OSBPL1A: variants seen among roughly 807,000 people sequenced by gnomAD.
OSBPL1A encodes oxysterol binding protein like 1A, also known as oxysterol-binding protein-related protein 1.
Under a neutral mutation model 137.1 loss-of-function variants are expected in OSBPL1A, and 80 were observed. The ratio of observed to expected loss-of-function variants is 0.58; its 90% CI spans 0.49 to 0.70. The LOEUF is 0.70. OSBPL1A is among the 30% of genes least tolerant of loss of function. OSBPL1A has a pLI of 0.00. For synonymous variants in OSBPL1A, 365 were observed against 389.7 expected (o/e 0.94, Z 0.75); for missense variants, 970 against 1,129.4 (o/e 0.86, Z 2.02).
intron 4 of OSBPL1A, among the ~76,000 whole-genome samples, chr18:24,366,031 C>G (rs576955079): frequency 1.4e-4 from 21 of 152,320 alleles, no homozygotes; most frequent in African/African-American, 5.1e-4. Flanking sequence ...CCCTCAGACA[C>G]CAGCTGCAGG....
At chr18:24,198,327 C>T (rs562064513) in intron 17 of OSBPL1A, among the ~76,000 whole-genome samples, 1 of 152,272 alleles carries the variant, frequency 6.6e-6, no homozygotes, top group Non-Finnish European at 1.5e-5. Flanking sequence ...TTGTAATTAT[C>T]CTCAGTTTAG....
chr18:24,240,662 C>G (rs2088664324), intron 15 of OSBPL1A, among the ~76,000 whole-genome samples: 2 of 152,192 alleles, frequency 1.3e-5, no homozygotes, highest in Admixed American at 1.3e-4. Context: ...TCTGCTATCA[C>G]CTAATAATCT....
intron 17 of OSBPL1A, among the ~76,000 whole-genome samples, chr18:24,198,196 C>G (rs928189506): frequency 5.3e-5 from 8 of 152,142 alleles, no homozygotes; most frequent in Non-Finnish European, 8.8e-5. Context: ...GTCATTCACC[C>G]CCAACAAACG....
intron 4 of OSBPL1A, among the ~76,000 whole-genome samples, chr18:24,356,883 C>G (rs2091545345): frequency 6.6e-6 from 1 of 152,148 alleles, no homozygotes; most frequent in Admixed American, 6.5e-5. Context: ...AGAAACTCAA[C>G]CAAATAGTGA....
chr18:24,253,935 C>T (rs2089190396), intron 15 of OSBPL1A, among the ~76,000 whole-genome samples: 1 of 152,166 alleles, frequency 6.6e-6, no homozygotes, highest in Non-Finnish European at 1.5e-5. Context: ...CTTGCAAGGG[C>T]AGACTGGTCC....
chr18:24,216,499 T>A (rs2087707005), intron 17 of OSBPL1A, among the ~76,000 whole-genome samples: 1 of 152,164 alleles, frequency 6.6e-6, no homozygotes, highest in African/African-American at 2.4e-5. Flanking sequence ...AGAGCGAGAC[T>A]GTGTCTCCAG....
At chr18:24,294,293 G>A (rs866437369) in intron 14 of OSBPL1A, among the ~76,000 whole-genome samples, 4 of 151,698 alleles carry the variant, frequency 2.6e-5, no homozygotes, top group African/African-American at 4.8e-5. Context: ...GTGCAGTGGC[G>A]CGATCTCGGC....
In OSBPL1A at chr18:24,318,636, T is replaced by C. The variant is rs749890444; in HGVS notation, c.697A>G (p.Lys233Glu). Residue 233 changes from lysine (K) to glutamate (E), a missense_variant, in exon 9 of 28, where the codon AAA (lysine) becomes GAA (glutamate). By Grantham distance (56) the Lys-to-Glu change is moderately conservative. This residue lies in a region of OSBPL1A where 647 missense variants were observed against 672.6 expected (regional missense o/e 0.96). Transcript: ENST00000319481. ...HILVGNKVIYKALKRYEGPLW... is the reference protein window; with the variant it reads ...HILVGNKVIYEALKRYEGPLW... ...GGGCCCTCATATCGTTTCAATGCTTTGTAGATGACCTGTCAAAAACATGTT... is the reference window on the plus strand; with the variant it reads ...GGGCCCTCATATCGTTTCAATGCTTCGTAGATGACCTGTCAAAAACATGTT... 8 of 1,610,016 alleles carry C rather than the reference T, an allele frequency of 5.0e-6. No homozygotes were observed. Among genetic ancestry groups the C allele is most frequent in the Non-Finnish European group, 5.9e-6 (7 of 1,179,256 alleles).
intron 17 of OSBPL1A, among the ~76,000 whole-genome samples, chr18:24,212,403 A>C (rs2087571713): frequency 6.6e-6 from 1 of 152,158 alleles, no homozygotes; most frequent in Non-Finnish European, 1.5e-5. Context: ...TGGGCTTAAA[A>C]ATATTTGAAA....
Position 24,239,312 on chromosome 18 carries a change from G to C in OSBPL1A, c.1352C>G (p.Ala451Gly). 1 of 1,614,054 alleles carries C rather than the reference G, an allele frequency of 6.2e-7. No homozygotes were observed. Among genetic ancestry groups the C allele is most frequent in the Non-Finnish European group, 8.5e-7 (1 of 1,179,984 alleles). Residue 451 changes from alanine to glycine, a missense_variant, in exon 16 of 28, where the codon GCC becomes GGC. Physicochemically the swap from Ala to Gly is moderately conservative, Grantham distance 60 (BLOSUM62 0). Coordinates refer to ENST00000319481, the MANE Select transcript of OSBPL1A (RefSeq NM_080597.4). ...KILSEALETL[A>G]TEHHELEQSL... The stretch of plus-strand genomic sequence containing the variant: ...CTGCTCTAATTCATGATGTTCAGTG[G>C]CCAGCGTCTCCAGTGCTTCTGACAA...
chr18:24,376,410 T>G (rs1400021434), intron 2 of OSBPL1A, among the ~76,000 whole-genome samples: 1 of 152,208 alleles, frequency 6.6e-6, no homozygotes, highest in Non-Finnish European at 1.5e-5. Context: ...GGTGTGTTTA[T>G]AAACCTTGAG....
intron 16 of OSBPL1A, among the ~76,000 whole-genome samples, chr18:24,236,784 C>A (rs2088492242): frequency 6.6e-6 from 1 of 152,200 alleles, no homozygotes; most frequent in African/African-American, 2.4e-5. Context: ...ACAATCTGAA[C>A]TGGCACTTGA....
intron 4 of OSBPL1A, among the ~76,000 whole-genome samples, chr18:24,353,485 T>G (rs1334923960): frequency 3.3e-5 from 5 of 152,000 alleles, no homozygotes; most frequent in Non-Finnish European, 7.4e-5. Context: ...GTAAACTAGT[T>G]CAACCATTGT....
At chr18:24,214,499 C>A (rs12456025) in intron 17 of OSBPL1A, among the ~76,000 whole-genome samples, 66,689 of 151,912 alleles carry the variant, frequency 0.44, 14,923 homozygotes, top group Middle Eastern at 0.53. Flanking sequence ...TCTTGACTAT[C>A]ATAGAAATCT....
chr18:24,279,186 G>A lies in OSBPL1A; in HGVS notation c.1281+1656C>T, dbSNP rs2089904873. 3.3e-5 allele frequency among the ~76,000 whole-genome samples: 5 copies of A among 151,280 alleles called. No homozygotes were observed. The South Asian group carries it at 1.0e-3, about 32-fold the overall frequency. On this transcript the variant is annotated intron_variant, in intron 15 of 27. Coordinates refer to ENST00000319481, the MANE Select transcript of OSBPL1A (RefSeq NM_080597.4). ...TCCCAGCACTTTGGGAGGCCGAGTCGGGCAGATGGCTTGCATCTAGGAGTT... is the reference window on the plus strand; with the variant it reads ...TCCCAGCACTTTGGGAGGCCGAGTCAGGCAGATGGCTTGCATCTAGGAGTT...
intron 3 of OSBPL1A, chr18:24,367,826 T>G (rs1249071869): frequency 6.6e-6 from 1 of 152,204 alleles, no homozygotes; most frequent in Non-Finnish European, 1.5e-5. Flanking sequence ...GCAAGCAAAT[T>G]TCAGAACTAT....
intron 16 of OSBPL1A, among the ~76,000 whole-genome samples, chr18:24,234,727 T>A (rs1034493731): frequency 6.6e-6 from 1 of 152,234 alleles, no homozygotes; most frequent in Non-Finnish European, 1.5e-5. Flanking sequence ...TAACACGAGT[T>A]AACAACTTTT....
At chr18:24,201,735 C>G (rs1430784851) in intron 17 of OSBPL1A, among the ~76,000 whole-genome samples, 1 of 151,932 alleles carries the variant, frequency 6.6e-6, no homozygotes, top group African/African-American at 2.4e-5. Flanking sequence ...TGCACTCCCA[C>G]CTGGGCAACA....
chr18:24,322,121 T>TTC (rs2090872335), intron 7 of OSBPL1A, among the ~76,000 whole-genome samples: 1 of 149,930 alleles, frequency 6.7e-6, no homozygotes, highest in Non-Finnish European at 1.5e-5. Context: ...TTTTTTTTTT[T>TTC]TTTTTTGAGA....
Sources: gnomAD v4.1 joint callset for allele counts (sites outside exome capture counted in the v4.1 genomes callset) on GRCh38, gnomAD v4.1.1 for gene constraint, gnomAD v4.1.1 regional missense constraint, MANE v1.5 for transcripts, NCBI Gene and HGNC (gene_info 2026-07-23, HGNC 2026-07-21) for gene names.